Variants in LEO1 observed in about 807,000 individuals in gnomAD.
LEO1 encodes the protein RNA polymerase-associated protein LEO1.
In LEO1, 34 loss-of-function variants were observed where a neutral mutation model predicts 80.4. The observed-to-expected ratio is 0.42, with a 90% confidence interval of 0.32 to 0.56. The LOEUF (loss-of-function observed/expected upper bound fraction) is 0.56, where lower values mean the gene tolerates loss of function less well. Among genes scored for constraint, LEO1 ranks in the 20% least tolerant of loss-of-function variants. The pLI is 0.10. For missense variants in LEO1, 631 were observed against 814.2 expected (o/e 0.77, Z 2.74); for synonymous variants, 262 against 274.9 (o/e 0.95, Z 0.46).
intron 1 of LEO1, among the ~76,000 whole-genome samples, chr15:51,969,427 G>T (rs1353930712): frequency 6.6e-6 from 1 of 151,722 alleles, no homozygotes; most frequent in Non-Finnish European, 1.5e-5. Flanking sequence ...CTGAGGTCAG[G>T]AGTTTGAGAC....
At chr15:51,946,261 C>T (rs535186477) in intron 11 of LEO1, among the ~76,000 whole-genome samples, 1 of 152,224 alleles carries the variant, frequency 6.6e-6, no homozygotes, top group South Asian at 2.1e-4. Context: ...GCGATCTCGG[C>T]TCACTGCAAC....
In LEO1 at chr15:51,966,061, C is replaced by T; in HGVS notation, c.502G>A (p.Ala168Thr). The T allele has an allele frequency of 6.2e-7, 1 of 1,612,060 alleles. No homozygotes were observed. The highest frequency in any genetic ancestry group is 8.5e-7 in the Non-Finnish European group (1 of 1,178,416). Residue 168 changes from alanine (A) to threonine (T), a missense_variant, in exon 2 of 12, where the codon GCA becomes ACA. Around this residue, in one of 4 missense-constraint regions of LEO1, gnomAD observed 394 missense variants for 395.6 expected, o/e 1.00. Coordinates refer to ENST00000299601, the MANE Select transcript of LEO1 (RefSeq NM_138792.4). ...KIQNSDDEERAQGSDEDKLQN... is the reference protein window; with the variant it reads ...KIQNSDDEERTQGSDEDKLQN... ...AGCTTATCTTCATCAGATCCTTGTGCCCTCTCCTCATCATCAGAATTTTGT... is the reference window on the plus strand; with the variant it reads ...AGCTTATCTTCATCAGATCCTTGTGTCCTCTCCTCATCATCAGAATTTTGT...
chr15:51,966,188 T>C lies in LEO1; in HGVS notation c.375A>G (p.Gly125=). ...DDEDEGHRSD[G]GSHHSEAEGS... is the part of the protein sequence containing the mutation. Reference sequence around the variant, plus strand: ...CTTCTGCTTCTGAATGATGGCTCCCTCCATCCGATCTATGACCTTCGTCTT... The same window carrying C: ...CTTCTGCTTCTGAATGATGGCTCCCCCCATCCGATCTATGACCTTCGTCTT... Residue 125 remains glycine (G), a synonymous_variant, in exon 2 of 12, where the codon GGA becomes GGG. Coordinates refer to ENST00000299601, the MANE Select transcript of LEO1 (RefSeq NM_138792.4). The C allele has an allele frequency of 6.2e-7, 1 of 1,614,006 alleles. No individual in the cohort carries two copies. Among genetic ancestry groups the C allele is most frequent in the Non-Finnish European group, 8.5e-7 (1 of 1,180,038 alleles).
At chr15:51,964,285 C>T (rs2057057239) in intron 2 of LEO1, among the ~76,000 whole-genome samples, 1 of 151,934 alleles carries the variant, frequency 6.6e-6, no homozygotes, top group African/African-American at 2.4e-5. Context: ...TCATTCTCAG[C>T]AAACTATCAC....
Position 51,965,820 on chromosome 15 carries a change from T to A in LEO1, c.743A>T (p.Asp248Val). ...SDEEKMQNSD[D>V]ERPQASDEEH... ...TTCATCTGAGGCCTGTGGCCTTTCATCATCAGAATTTTGCATTTTCTCTTC... is the reference window on the plus strand; with the variant it reads ...TTCATCTGAGGCCTGTGGCCTTTCAACATCAGAATTTTGCATTTTCTCTTC... The change falls in exon 2 of 12, where the codon GAT (aspartate) becomes GTT (valine). Residue 248 changes from aspartate to valine, a missense_variant. By Grantham distance (152) the Asp-to-Val change is radical. Around this residue, in one of 4 missense-constraint regions of LEO1, gnomAD observed 394 missense variants for 395.6 expected, o/e 1.00. Coordinates refer to ENST00000299601, the MANE Select transcript of LEO1 (RefSeq NM_138792.4). 6.2e-7 allele frequency: 1 copy of A among 1,614,136 alleles called. No individual in the cohort carries two copies.
intron 11 of LEO1, among the ~76,000 whole-genome samples, chr15:51,943,602 A>C (rs939518420): frequency 2.0e-5 from 3 of 152,012 alleles, no homozygotes; most frequent in South Asian, 2.1e-4. Flanking sequence ...TGGGAGGCTG[A>C]GGCAGGAGAA....
chr15:51,945,063 T>C (rs961304588), intron 11 of LEO1, among the ~76,000 whole-genome samples: 2 of 152,004 alleles, frequency 1.3e-5, no homozygotes, highest in Non-Finnish European at 2.9e-5. Context: ...TACTAAGAGT[T>C]AAATCATATC....
rs753733521 is a variant in LEO1 at position 51,938,109 on chromosome 15, T to A, written c.*47A>T. On this transcript the variant is annotated 3_prime_UTR_variant, in exon 12 of 12. Transcript: ENST00000299601. Reference sequence around the variant, plus strand: ...ATCAAAATAACTCATGTTTACATATTTATAACTGTACAATAAAATATATAA... The same window carrying A: ...ATCAAAATAACTCATGTTTACATATATATAACTGTACAATAAAATATATAA... The A allele has an allele frequency of 1.0e-6, 1 of 963,880 alleles. No individual in the cohort carries two copies. The highest frequency in any genetic ancestry group is 1.6e-6 in the Non-Finnish European group (1 of 630,880). 59.7% of individuals were successfully genotyped at this position (963,880 alleles called of 1,614,324 possible).
chr15:51,954,825 G>A, intron 6 of LEO1: 1 of 428,194 alleles, frequency 2.3e-6, no homozygotes, highest in Admixed American at 3.9e-5. Context: ...AAAGCTTAGA[G>A]CATTTGAGCA....
chr15:51,962,925 G>GTGC (rs2057042962), intron 2 of LEO1, among the ~76,000 whole-genome samples: 2 of 146,874 alleles, frequency 1.4e-5, no homozygotes, highest in East Asian at 2.0e-4. Context: ...TGCAGAACAT[G>GTGC]CCCCCCCCCC....
chr15:51,954,014 A>G (rs574586620), intron 7 of LEO1, among the ~76,000 whole-genome samples: 53 of 151,168 alleles, frequency 3.5e-4, no homozygotes, highest in African/African-American at 1.2e-3. Context: ...GCTTACTGCA[A>G]CCTCCGCCTC....
In LEO1 at chr15:51,962,388, C is replaced by G. The variant is rs2057037926; in HGVS notation, c.919+1G>C. 6.3e-7 allele frequency: 1 copy of G among 1,587,712 alleles called. No individual in the cohort carries two copies. The highest frequency in any genetic ancestry group is 8.6e-7 in the Non-Finnish European group (1 of 1,157,984). On this transcript the variant is annotated splice_donor_variant, in intron 3 of 11. Coordinates refer to ENST00000299601, the MANE Select transcript of LEO1 (RefSeq NM_138792.4). LOFTEE classifies it high-confidence loss of function. ...ACATATATATATAATAATAGGGATA[C>G]CTTTTGGCACCTCAGTGTCACTATC...
chr15:51,966,914 G>C (rs2554316), intron 1 of LEO1, among the ~76,000 whole-genome samples: 1 of 150,316 alleles, frequency 6.7e-6, no homozygotes, highest in East Asian at 2.0e-4. Flanking sequence ...TTGTCTCAAA[G>C]AAAAAAAAGA....
At chr15:51,944,681 C>T (rs1175388463) in intron 11 of LEO1, among the ~76,000 whole-genome samples, 2 of 152,102 alleles carry the variant, frequency 1.3e-5, no homozygotes, top group Non-Finnish European at 2.9e-5. Flanking sequence ...AGTCTGTTTC[C>T]ATGTGCCTTT....
intron 2 of LEO1, among the ~76,000 whole-genome samples, chr15:51,964,395 TG>T (rs753752875): frequency 1.1e-3 from 172 of 151,758 alleles, no homozygotes; most frequent in Admixed American, 1.8e-3. Context: ...CACCGGGGCC[TG>T]TCATGGGGTG....
At chr15:51,945,262 CA>C (rs71130110) in intron 11 of LEO1, among the ~76,000 whole-genome samples, 154 of 80,346 alleles carry the variant, frequency 1.9e-3, no homozygotes, top group Non-Finnish European at 2.3e-3. Flanking sequence ...ACAAAAAATA[CA>C]AAAAAAAAAA....
Position 51,938,246 on chromosome 15 carries a change from G to A in LEO1, c.1911C>T (p.Ser637=), listed in dbSNP as rs115007451. The part of the protein sequence containing the change: ...KLTSDEEGEP[S]GKRKAEDDDK... ...CATCATCTTCTGCTTTTCTCTTTCC[G>A]GAAGGTTCACCTTCCTAAACAGATA... Residue 637 remains serine (S), a synonymous_variant, in exon 12 of 12, where the codon TCC becomes TCT. Transcript: ENST00000299601. 24 of 1,598,924 alleles carry A rather than the reference G, an allele frequency of 1.5e-5. No individual in the cohort carries two copies. Among genetic ancestry groups the A allele is most frequent in the Admixed American group, 6.7e-5 (4 of 59,372 alleles).
intron 11 of LEO1, 55 bp downstream of exon 11, chr15:51,947,237 C>A (rs545639408): frequency 8.9e-7 from 1 of 1,123,050 alleles, no homozygotes; most frequent in Non-Finnish European, 1.4e-6. Flanking sequence ...TCATTCAAAG[C>A]AGTTGGCTCC....
At position 51,941,284 on chromosome 15, in the gene LEO1, A is replaced by G. The variant is rs115645084; in HGVS notation, c.1897-3024T>C. ...TCCCAGTGTCATATATAAATGCAGT[A>G]AATGACAAAAATATTTTTATTAAGT... On this transcript the variant is annotated intron_variant, in intron 11 of 11. Transcript: ENST00000299601. Among the ~76,000 whole-genome samples, 363 of 152,354 alleles carry G rather than the reference A, an allele frequency of 2.4e-3. 1 individual carries two copies. The highest frequency in any genetic ancestry group is 8.3e-3 in the African/African-American group (345 of 41,578).
Sources: allele counts gnomAD v4.1 joint callset (sites outside exome capture counted in the v4.1 genomes callset), GRCh38; gene constraint gnomAD v4.1.1; regional missense constraint gnomAD v4.1.1; transcripts MANE v1.5; gene names NCBI Gene and HGNC (gene_info 2026-07-23, HGNC 2026-07-21).